PPP1R36: variants seen among roughly 807,000 people sequenced by gnomAD.
The protein encoded by PPP1R36 is protein phosphatase 1 regulatory subunit 36.
A neutral mutation model predicts 53.4 loss-of-function variants in PPP1R36; 47 were observed. The ratio of observed to expected loss-of-function variants is 0.88; its 90% CI spans 0.70 to 1.12. The LOEUF (loss-of-function observed/expected upper bound fraction) is 1.12. Among genes scored for constraint, PPP1R36 ranks in the 50% most tolerant of loss-of-function variants. The pLI, the probability that PPP1R36 is intolerant of heterozygous loss-of-function variation, is 0.00. For missense variants in PPP1R36, 456 were observed against 513.9 expected (o/e 0.89, Z 1.09); for synonymous variants, 153 against 170.5 (o/e 0.90, Z 0.80).
chr14:64,564,007 A>G (rs1389918799), intron 3 of PPP1R36, among the ~76,000 whole-genome samples: 2 of 152,206 alleles, frequency 1.3e-5, no homozygotes, highest in African/African-American at 4.8e-5. Context: ...TTTCAATGTC[A>G]TAGCAATTCC....
intron 3 of PPP1R36, among the ~76,000 whole-genome samples, chr14:64,553,719 A>G (rs960766437): frequency 2.0e-5 from 3 of 151,012 alleles, no homozygotes; most frequent in Non-Finnish European, 4.4e-5. Flanking sequence ...GAAATGGTCT[A>G]TATGTTGATC....
chr14:64,585,964 G>T lies in PPP1R36; in HGVS notation c.669-873G>T, dbSNP rs1596750187. On this transcript the variant is annotated intron_variant, in intron 8 of 11. Transcript: ENST00000298705. Reference sequence around the variant, plus strand: ...ATTCTTTTTTTTTCTTTTTGAGATGGAGTCTTGCTCTGTTGCCCAGGCTGG... The same window carrying T: ...ATTCTTTTTTTTTCTTTTTGAGATGTAGTCTTGCTCTGTTGCCCAGGCTGG... 3 of 152,260 alleles carry T rather than the reference G, an allele frequency of 2.0e-5. No individual in the cohort carries two copies. The East Asian group carries it at 5.8e-4, about 29-fold the overall frequency. 9.4% of individuals were successfully genotyped at this position (152,260 alleles called of 1,614,324 possible). A position where few individuals can be genotyped will look rare whatever the true frequency, so the allele number is the denominator to read the frequency against.
At chr14:64,557,216 A>C (rs1234406548) in intron 3 of PPP1R36, among the ~76,000 whole-genome samples, 1 of 152,206 alleles carries the variant, frequency 6.6e-6, no homozygotes, top group Non-Finnish European at 1.5e-5. Flanking sequence ...CCTTAACAGC[A>C]TCAAGAAGTA....
At chr14:64,565,941 G>T (rs78981347) in intron 6 of PPP1R36, among the ~76,000 whole-genome samples, 4,200 of 152,196 alleles carry the variant, frequency 0.028, 182 homozygotes, top group African/African-American at 0.095. Context: ...AGTCTCACAT[G>T]GACTGTGCTA....
intron 8 of PPP1R36, among the ~76,000 whole-genome samples, chr14:64,585,876 G>A (rs1189374010): frequency 2.0e-5 from 3 of 152,236 alleles, no homozygotes; most frequent in Admixed American, 1.3e-4. Flanking sequence ...TAGGCTGGGA[G>A]TCAGAATCAG....
intron 8 of PPP1R36, among the ~76,000 whole-genome samples, chr14:64,584,732 A>G (rs1046644191): frequency 6.6e-6 from 1 of 152,190 alleles, no homozygotes; most frequent in Non-Finnish European, 1.5e-5. Context: ...TTAAGTCTCA[A>G]CTTTAGTTTC....
rs372644537 is a variant in PPP1R36 at position 64,587,741 on chromosome 14, C to T, written c.891-363C>T. 1.3e-3 allele frequency among the ~76,000 whole-genome samples: 193 copies of T among 151,736 alleles called. 2 individuals are homozygous for T. Among genetic ancestry groups the T allele is most frequent in the African/African-American group, 4.5e-3 (185 of 41,426 alleles). On this transcript the variant is annotated intron_variant, in intron 10 of 11. Coordinates refer to ENST00000298705, the MANE Select transcript of PPP1R36 (RefSeq NM_172365.3). ...CCTCCCAAAGTGCTGGGATTACAGG[C>T]GTGAGCCACCATGCCCAGCCTCCTC...
intron 7 of PPP1R36, among the ~76,000 whole-genome samples, chr14:64,570,681 CAG>C (rs1750950473): frequency 6.6e-6 from 1 of 152,134 alleles, no homozygotes; most frequent in Admixed American, 6.5e-5. Context: ...ATTTAATTCA[CAG>C]AGTTATTATA....
At chr14:64,571,280 C>T (rs748037191) in intron 7 of PPP1R36, among the ~76,000 whole-genome samples, 5 of 152,034 alleles carry the variant, frequency 3.3e-5, no homozygotes, top group Non-Finnish European at 5.9e-5. Context: ...CATGTGCTAC[C>T]ATGCCTGGCT....
At chr14:64,559,709 G>A (rs2080189091) in intron 3 of PPP1R36, among the ~76,000 whole-genome samples, 1 of 152,146 alleles carries the variant, frequency 6.6e-6, no homozygotes, top group African/African-American at 2.4e-5. Flanking sequence ...TTTAAACCAG[G>A]GCCAGATTAT....
chr14:64,577,636 C>T (rs531539833), intron 8 of PPP1R36, among the ~76,000 whole-genome samples: 1 of 151,838 alleles, frequency 6.6e-6, no homozygotes, highest in South Asian at 2.1e-4. Flanking sequence ...TCCAATAAAT[C>T]TCATGTCTAG....
chr14:64,587,245 C>T lies in PPP1R36; in HGVS notation c.763C>T (p.His255Tyr). The T allele has an allele frequency of 6.2e-7, 1 of 1,613,516 alleles. No homozygotes were observed. The highest frequency in any genetic ancestry group is 2.2e-5 in the East Asian group (1 of 44,860). ...YVAWIVFRRQ[H>Y]LTEIEEEVGR... is the part of the protein sequence containing the mutation. ...GGCTTGGATTGTCTTCCGACGTCAA[C>T]ACTTGACAGAGATTGAAGAAGAAGT... The change falls in exon 10 of 12, where the codon CAC becomes TAC. Residue 255 changes from histidine (H) to tyrosine (Y), a missense_variant. By Grantham distance (83) the His-to-Tyr change is moderately conservative (BLOSUM62 2). Coordinates refer to ENST00000298705, the MANE Select transcript of PPP1R36 (RefSeq NM_172365.3).
At chr14:64,574,061 T>C (rs754115128) in intron 7 of PPP1R36, among the ~76,000 whole-genome samples, 10 of 152,134 alleles carry the variant, frequency 6.6e-5, no homozygotes, top group Non-Finnish European at 1.2e-4. Context: ...GTGAAGTCTG[T>C]TGACTCACTT....
In PPP1R36 at chr14:64,574,657, G is replaced by A. The variant is rs986342017; in HGVS notation, c.668+68G>A. 35 of 1,504,132 alleles carry A rather than the reference G, an allele frequency of 2.3e-5. No homozygotes were observed. The Admixed American group carries it at 4.4e-4, about 19-fold the overall frequency. The allele number at this position is 1,504,132 out of a possible 1,614,324, so 93.2% of individuals were successfully genotyped here. On this transcript the variant is annotated intron_variant, in intron 8 of 11. Transcript: ENST00000298705. ...AGACTCACATCCTTAAGATGCTTCC[G>A]TTTGACTTTTGTTACCTTGAGAAAA...
chr14:64,576,137 A>G (rs1332505786), intron 8 of PPP1R36, among the ~76,000 whole-genome samples: 4 of 142,202 alleles, frequency 2.8e-5, no homozygotes, highest in Non-Finnish European at 4.5e-5. Context: ...CTGGAGTGCA[A>G]TGGTGTGATC....
intron 11 of PPP1R36, 56 bp from the exon 12 acceptor site, chr14:64,589,096 C>A: frequency 7.5e-7 from 1 of 1,340,876 alleles, no homozygotes; most frequent in Non-Finnish European, 1.1e-6. Flanking sequence ...AGTCTCAACC[C>A]TGCACGTCAG....
chr14:64,587,744 G>A (rs1319540571), intron 10 of PPP1R36, among the ~76,000 whole-genome samples: 3 of 151,308 alleles, frequency 2.0e-5, no homozygotes, highest in African/African-American at 7.3e-5. Context: ...TTACAGGCGT[G>A]AGCCACCATG....
At chr14:64,567,000 A>G (rs906591339) in intron 6 of PPP1R36, among the ~76,000 whole-genome samples, 1 of 151,996 alleles carries the variant, frequency 6.6e-6, no homozygotes, top group African/African-American at 2.4e-5. Flanking sequence ...TCATTTCCCC[A>G]CTTTCTTACT....
chr14:64,584,495 T>A (rs1417801079), intron 8 of PPP1R36, among the ~76,000 whole-genome samples: 1 of 152,186 alleles, frequency 6.6e-6, no homozygotes, highest in Non-Finnish European at 1.5e-5. Context: ...AAATTTCACA[T>A]CAGCACACCC....
Sources: gnomAD v4.1 joint callset for allele counts (sites outside exome capture counted in the v4.1 genomes callset) on GRCh38, gnomAD v4.1.1 for gene constraint, MANE v1.5 for transcripts, NCBI Gene and HGNC (gene_info 2026-07-23, HGNC 2026-07-21) for gene names.